KIF26B: variants seen among roughly 807,000 people sequenced by gnomAD.
KIF26B encodes the protein kinesin family member 26B.
In KIF26B, 63 loss-of-function variants were observed where a neutral mutation model predicts 151.2. That is an observed-to-expected ratio of 0.42 (90% CI 0.34 to 0.51). KIF26B has a LOEUF of 0.51. KIF26B is among the 20% of genes least tolerant of loss of function. The pLI is 0.07. For missense variants in KIF26B, 2,813 were observed against 2,913.6 expected, an observed-to-expected ratio of 0.97 and a Z score of 0.79; for synonymous variants, 1,357 against 1,262.1, an observed-to-expected ratio of 1.08 and a Z score of -1.59.
Position 245,366,838 on chromosome 1 carries a change from C to T in KIF26B, c.470C>T (p.Pro157Leu), listed in dbSNP as rs558481289. Residue 157 changes from proline (P) to leucine (L), a missense_variant, in exon 3 of 15, where the codon CCT becomes CTT. Physicochemically the swap from Pro to Leu is moderately conservative, Grantham distance 98 (BLOSUM62 -3). This residue lies in a region of KIF26B where 676 missense variants were observed against 688.1 expected (regional missense o/e 0.98). Transcript: ENST00000407071. ...CTCTGCTTCTGTGTTCTGTAGGACC[C>T]TGCTTTCTCGGCTGTGATTCACGAC... The part of the protein sequence containing the change: ...LLPGPFPGKD[P>L]AFSAVIHDKL... The T allele has an allele frequency of 1.2e-6, 2 of 1,613,818 alleles. No homozygotes were observed. Among genetic ancestry groups the T allele is most frequent in the Admixed American group, 1.7e-5 (1 of 60,020 alleles).
At chr1:245,435,097 C>CTCCATCCA (rs1217901256) in intron 4 of KIF26B, among the ~76,000 whole-genome samples, 2 of 85,206 alleles carry the variant, frequency 2.3e-5, no homozygotes, top group East Asian at 7.5e-4. Flanking sequence ...CCATCCATCT[C>CTCCATCCA]TCCATCCATC....
intron 10 of KIF26B, among the ~76,000 whole-genome samples, chr1:245,677,721 A>G (rs2044373024): frequency 6.6e-6 from 1 of 152,286 alleles, no homozygotes; most frequent in Non-Finnish European, 1.5e-5. Context: ...AGGAATGTTC[A>G]GGAAGCAGTC....
chr1:245,530,309 A>C (rs1661333215), intron 4 of KIF26B, among the ~76,000 whole-genome samples: 1 of 152,216 alleles, frequency 6.6e-6, no homozygotes, highest in South Asian at 2.1e-4. Flanking sequence ...ACTACCACGC[A>C]ATCTAGCAAT....
intron 10 of KIF26B, among the ~76,000 whole-genome samples, chr1:245,652,145 T>TGTGTGTGTGTGTGTGTGTGTGGGA (rs368258830): frequency 7.0e-6 from 1 of 142,658 alleles, no homozygotes; most frequent in African/African-American, 2.8e-5. Flanking sequence ...TGTGTGTGTG[T>TGTGTGTGTGTGTGTGTGTGTGGGA]GAGAGAGACA....
chr1:245,487,991 T>C (rs35386107), intron 4 of KIF26B, among the ~76,000 whole-genome samples: 4,894 of 152,192 alleles, frequency 0.032, 130 homozygotes, highest in Non-Finnish European at 0.05. Context: ...CTTCTCCAAG[T>C]CGGCCACGTT....
At chr1:245,515,877 T>C (rs1375815312) in intron 4 of KIF26B, among the ~76,000 whole-genome samples, 1 of 152,174 alleles carries the variant, frequency 6.6e-6, no homozygotes, top group Non-Finnish European at 1.5e-5. Context: ...TTCAGATCCC[T>C]GCCTGTGAGG....
At chr1:245,497,238 T>C (rs954269633) in intron 4 of KIF26B, among the ~76,000 whole-genome samples, 16 of 151,718 alleles carry the variant, frequency 1.1e-4, no homozygotes, top group African/African-American at 3.6e-4. Context: ...AAGAAACCAG[T>C]CTGTAATCAT....
chr1:245,220,068 C>G (rs987960582), intron 2 of KIF26B, among the ~76,000 whole-genome samples: 12 of 152,168 alleles, frequency 7.9e-5, no homozygotes, highest in African/African-American at 2.7e-4. Flanking sequence ...AGGAGGGGTC[C>G]TTGCTGGGTG....
Position 245,358,339 on chromosome 1 carries a change from T to C in KIF26B, c.466-8495T>C, listed in dbSNP as rs894679474. ...ATCGAGACCATCCTGGCTAGCAGAG[T>C]GAAACCCTGTCTCTAATAAAAATAC... On this transcript the variant is annotated intron_variant, in intron 2 of 14. Transcript: ENST00000407071. The surrounding 1 kb of genome is among the most constrained non-coding windows in gnomAD (Gnocchi z 4.1). Among the ~76,000 whole-genome samples, 15 of 152,000 alleles carry C rather than the reference T, an allele frequency of 9.9e-5. No homozygotes were observed. Among genetic ancestry groups the C allele is most frequent in the African/African-American group, 3.6e-4 (15 of 41,382 alleles).
intron 4 of KIF26B, among the ~76,000 whole-genome samples, chr1:245,517,361 A>AG (rs1381639899): frequency 1.3e-5 from 2 of 152,312 alleles, no homozygotes; most frequent in East Asian, 3.9e-4. Context: ...TCTCAAAAAA[A>AG]AAAAAAAGGA....
At position 245,508,279 on chromosome 1, in the gene KIF26B, C is replaced by T. The variant is rs562842794; in HGVS notation, c.1167-32488C>T. Among the ~76,000 whole-genome samples, 5 of 152,294 alleles carry T rather than the reference C, an allele frequency of 3.3e-5. 1 individual carries two copies. Among genetic ancestry groups the T allele is most frequent in the African/African-American group, 9.6e-5 (4 of 41,572 alleles). ...TTGTTGAGACGGAGTCTCGCTCTGT[C>T]GCCCAGGCTGGAGTGCAGTGGCGCG... On this transcript the variant is annotated intron_variant, in intron 4 of 14. Transcript: ENST00000407071.
chr1:245,684,606 C>T (rs1171606298), intron 11 of KIF26B, among the ~76,000 whole-genome samples: 3 of 152,244 alleles, frequency 2.0e-5, no homozygotes, highest in Admixed American at 6.5e-5. Flanking sequence ...ACACCTGGTG[C>T]TGGCCCTGGT....
At position 245,375,862 on chromosome 1, in the gene KIF26B, C is replaced by A. The variant is rs1465700803; in HGVS notation, c.999+8495C>A. 2.0e-5 allele frequency among the ~76,000 whole-genome samples: 3 copies of A among 152,258 alleles called. No homozygotes were observed. The highest frequency in any genetic ancestry group is 6.5e-5 in the Admixed American group (1 of 15,294). ...CAACAAACCCCGTTACCCTGCGGAT[C>A]GGCCGGTCCATGCACAAGTCAGATT... On this transcript the variant is annotated intron_variant, in intron 3 of 14. Transcript: ENST00000407071. This position sits in a 1 kb window ranked among gnomAD's most constrained non-coding sequence, Gnocchi z 4.2.
chr1:245,615,586 T>G (rs111757094), intron 9 of KIF26B, among the ~76,000 whole-genome samples: 6 of 152,222 alleles, frequency 3.9e-5, no homozygotes, highest in African/African-American at 1.4e-4. Flanking sequence ...CCAGCTCATC[T>G]TCTTCCTATT....
At chr1:245,228,360 A>G (rs936361446) in intron 2 of KIF26B, among the ~76,000 whole-genome samples, 11 of 152,198 alleles carry the variant, frequency 7.2e-5, no homozygotes, top group African/African-American at 2.7e-4. Flanking sequence ...TGAGGTCGGG[A>G]GTTCGAGACC....
At chr1:245,508,317 T>A (rs148522243) in intron 4 of KIF26B, among the ~76,000 whole-genome samples, 4,087 of 152,290 alleles carry the variant, frequency 0.027, 152 homozygotes, top group African/African-American at 0.08. Flanking sequence ...CTCGGCTCAC[T>A]GCAAGCTCCG....
intron 5 of KIF26B, among the ~76,000 whole-genome samples, chr1:245,584,648 AAAAG>A (rs2043206148): frequency 6.6e-6 from 1 of 152,206 alleles, no homozygotes. Context: ...AGGAAAGAGA[AAAAG>A]AAAAGAACCT....
intron 2 of KIF26B, among the ~76,000 whole-genome samples, chr1:245,267,228 A>G (rs2102961084): frequency 1.3e-5 from 2 of 152,304 alleles, no homozygotes; most frequent in East Asian, 3.9e-4. Flanking sequence ...CATCTTCTCT[A>G]CTAAGAAAGT....
intron 4 of KIF26B, among the ~76,000 whole-genome samples, chr1:245,462,846 GTGAATGAATGAATGAA>G (rs57966712): frequency 1.4e-4 from 21 of 150,668 alleles, no homozygotes; most frequent in African/African-American, 3.2e-4. Context: ...AGAAATCAGT[GTGAATGAATGAATGAA>G]TGAATGAATG....
Sources: gnomAD v4.1 joint callset for allele counts (sites outside exome capture counted in the v4.1 genomes callset) on GRCh38, gnomAD v4.1.1 for gene constraint, gnomAD v4.1.1 regional missense constraint, Gnocchi (gnomAD v3.1) non-coding constraint, MANE v1.5 for transcripts, NCBI Gene and HGNC (gene_info 2026-07-23, HGNC 2026-07-21) for gene names.